Variants in ACVR1B observed in about 807,000 individuals in gnomAD.
ACVR1B encodes the protein activin A receptor type 1B, also known as activin receptor type-1B.
A neutral mutation model predicts 55.6 loss-of-function variants in ACVR1B; 15 were observed. The observed-to-expected ratio is 0.27, with a 90% CI of 0.18 to 0.42. ACVR1B has a LOEUF of 0.42. ACVR1B is among the 10% of genes least tolerant of loss of function. The pLI is 1.00. For missense variants in ACVR1B, 359 were observed against 670.1 expected (o/e 0.54, Z 5.13); for synonymous variants, 247 against 254.6 (o/e 0.97, Z 0.28).
intron 1 of ACVR1B, among the ~76,000 whole-genome samples, chr12:51,964,212 C>T (rs1941595136): frequency 6.6e-6 from 1 of 152,148 alleles, no homozygotes; most frequent in Non-Finnish European, 1.5e-5. Flanking sequence ...GTATTCTTAG[C>T]TCATCGCAGC....
At chr12:51,980,283 G>T in intron 3 of ACVR1B, among the ~76,000 whole-genome samples, 1 of 152,162 alleles carries the variant, frequency 6.6e-6, no homozygotes, top group East Asian at 1.9e-4. Context: ...TTAATTATTT[G>T]ATTGGGGGTG....
At chr12:51,963,406 A>G (rs1592244785) in intron 1 of ACVR1B, among the ~76,000 whole-genome samples, 1 of 152,056 alleles carries the variant, frequency 6.6e-6, no homozygotes, top group Admixed American at 6.5e-5. Context: ...CACCGCGCCC[A>G]GTTAATGTTT....
At chr12:51,982,871 A>G (rs1942006549) in intron 4 of ACVR1B, 6 of 1,406,734 alleles carry the variant, frequency 4.3e-6, no homozygotes, top group African/African-American at 1.5e-5. Context: ...ATGTTTTAAA[A>G]GGATCAAATC....
intron 1 of ACVR1B, among the ~76,000 whole-genome samples, chr12:51,966,840 TTG>T (rs1941650780): frequency 6.6e-6 from 1 of 152,230 alleles, no homozygotes; most frequent in South Asian, 2.1e-4. Flanking sequence ...AAGGCTATTA[TTG>T]TCAGTTATTT....
Position 51,969,430 on chromosome 12 carries a change from C to T in ACVR1B, c.92-5835C>T, listed in dbSNP as rs74094862. ...ACAGCCAGAAGACTGTTAAATTGACCTGTTACTCCTATATGTGTAAAGAGA... is the reference window on the plus strand; with the variant it reads ...ACAGCCAGAAGACTGTTAAATTGACTTGTTACTCCTATATGTGTAAAGAGA... On this transcript the variant is annotated intron_variant, in intron 1 of 8. Transcript: ENST00000257963. 3.9e-3 allele frequency among the ~76,000 whole-genome samples: 590 copies of T among 152,216 alleles called. 4 individuals are homozygous for T. The highest frequency in any genetic ancestry group is 0.014 in the African/African-American group (565 of 41,524).
Position 51,976,512 on chromosome 12 carries a change from C to T in ACVR1B, c.517C>T (p.Leu173Phe). ...GGAAGATCCCTCATGTGAGATGTGTCTCTCCAAAGACAAGACGCTCCAGGA... is the reference window on the plus strand; with the variant it reads ...GGAAGATCCCTCATGTGAGATGTGTTTCTCCAAAGACAAGACGCTCCAGGA... ...DMEDPSCEMC[L>F]SKDKTLQDLV... Residue 173 changes from leucine (L) to phenylalanine (F), a missense_variant, in exon 3 of 9, where the codon CTC becomes TTC. This residue lies in a region of ACVR1B where 133 missense variants were observed against 188.2 expected (regional missense o/e 0.71). Coordinates refer to ENST00000257963, the MANE Select transcript of ACVR1B (RefSeq NM_004302.5). The T allele has an allele frequency of 6.2e-7, 1 of 1,614,126 alleles. No homozygotes were observed.
chr12:51,961,716 A>G (rs1941531224), intron 1 of ACVR1B, among the ~76,000 whole-genome samples: 1 of 152,266 alleles, frequency 6.6e-6, no homozygotes, highest in African/African-American at 2.4e-5. Flanking sequence ...CCAGGGATAA[A>G]TATCCTTCCC....
chr12:51,993,345 G>A (rs1327765288), intron 8 of ACVR1B, among the ~76,000 whole-genome samples: 1 of 152,154 alleles, frequency 6.6e-6, no homozygotes, highest in East Asian at 1.9e-4. Context: ...TTGCATCATA[G>A]AGCAGCACTT....
At chr12:51,972,770 T>C (rs1481048915) in intron 1 of ACVR1B, among the ~76,000 whole-genome samples, 2 of 152,224 alleles carry the variant, frequency 1.3e-5, no homozygotes, top group Admixed American at 6.5e-5. Flanking sequence ...CTTTAAAATA[T>C]ATCTTTTTCA....
At position 51,995,636 on chromosome 12, in the gene ACVR1B, G is replaced by C. The variant is rs1222280153; in HGVS notation, c.*1526G>C. On this transcript the variant is annotated 3_prime_UTR_variant, in exon 9 of 9. Coordinates refer to ENST00000257963, the MANE Select transcript of ACVR1B (RefSeq NM_004302.5). ...TGTTAAATATTAAGTTTTTGTAAAA[G>C]GAAAACCATCTCTGTGATTACCTCT... 2 of 152,126 alleles carry C rather than the reference G, an allele frequency of 1.3e-5. No homozygotes were observed. The highest frequency in any genetic ancestry group is 2.9e-5 in the Non-Finnish European group (2 of 67,964). The allele number at this position is 152,126 out of a possible 1,614,324, so 9.4% of individuals were successfully genotyped here.
At position 51,976,412 on chromosome 12, in the gene ACVR1B, C is replaced by T. The variant is rs2120613687; in HGVS notation, c.417C>T (p.Phe139=). The stretch of plus-strand genomic sequence containing the variant: ...TCGCCGGCCCGGTGTTCCTCCTGTT[C>T]CTCATCATCATCATTGTTTTCCTTG... ...GIIAGPVFLL[F]LIIIIVFLVI... The change falls in exon 3 of 9, where the codon TTC becomes TTT. Residue 139 remains phenylalanine (F), a synonymous_variant. Coordinates refer to ENST00000257963, the MANE Select transcript of ACVR1B (RefSeq NM_004302.5). 1 of 1,614,130 alleles carries T rather than the reference C, an allele frequency of 6.2e-7. No homozygotes were observed. Among genetic ancestry groups the T allele is most frequent in the Middle Eastern group, 1.7e-4 (1 of 6,038 alleles).
chr12:51,989,223 G>GT (rs71092737), intron 7 of ACVR1B, among the ~76,000 whole-genome samples: 4 of 152,088 alleles, frequency 2.6e-5, no homozygotes, highest in South Asian at 2.1e-4. Context: ...AGACAGCAGG[G>GT]TTTTTTTGTT....
intron 1 of ACVR1B, among the ~76,000 whole-genome samples, chr12:51,973,107 C>T (rs1454869681): frequency 6.6e-6 from 1 of 152,152 alleles, no homozygotes; most frequent in South Asian, 2.1e-4. Flanking sequence ...TGTTCGTTCT[C>T]CAGAATGAAT....
chr12:51,971,066 C>T (rs536108260), intron 1 of ACVR1B, among the ~76,000 whole-genome samples: 1 of 152,170 alleles, frequency 6.6e-6, no homozygotes, highest in East Asian at 1.9e-4. Flanking sequence ...ATGAATCTGA[C>T]TGTGTGTGGC....
intron 1 of ACVR1B, among the ~76,000 whole-genome samples, chr12:51,969,024 C>T (rs965445924): frequency 1.4e-4 from 21 of 152,256 alleles, no homozygotes; most frequent in Middle Eastern, 6.8e-3. Flanking sequence ...ACGAAGGTCC[C>T]CAGCCAACAG....
At chr12:51,979,679 A>G (rs1024705230) in intron 3 of ACVR1B, among the ~76,000 whole-genome samples, 9 of 152,180 alleles carry the variant, frequency 5.9e-5, no homozygotes, top group Non-Finnish European at 1.2e-4. Context: ...CCCCAGGTGT[A>G]CAGGATCTTG....
chr12:51,981,327 A>G (rs1941973466), intron 4 of ACVR1B, 128 bp downstream of exon 4: 1 of 738,484 alleles, frequency 1.4e-6, no homozygotes, highest in East Asian at 2.7e-5. Flanking sequence ...AGTAAGGTCA[A>G]GGTTTCCATG....
intron 7 of ACVR1B, among the ~76,000 whole-genome samples, chr12:51,989,593 CT>C (rs1344443105): frequency 6.6e-6 from 1 of 152,088 alleles, no homozygotes; most frequent in African/African-American, 2.4e-5. Flanking sequence ...CCTAAATTGG[CT>C]TTTTAAAACT....
chr12:51,975,215 G>A, intron 1 of ACVR1B, 50 bp from the exon 2 acceptor site: 1 of 1,579,216 alleles, frequency 6.3e-7, no homozygotes, highest in Non-Finnish European at 8.6e-7. Context: ...AAAAGGACCT[G>A]CAAAAGATCT....
Sources: allele counts gnomAD v4.1 joint callset (sites outside exome capture counted in the v4.1 genomes callset), GRCh38; gene constraint gnomAD v4.1.1; regional missense constraint gnomAD v4.1.1; transcripts MANE v1.5; gene names NCBI Gene and HGNC (gene_info 2026-07-23, HGNC 2026-07-21).